Variants in NUP210L observed in about 807,000 individuals in gnomAD.
NUP210L encodes nuclear pore membrane glycoprotein 210-like.
In NUP210L, 74 loss-of-function variants were observed where a neutral mutation model predicts 208.5. The ratio of observed to expected loss-of-function variants is 0.35; its 90% CI spans 0.29 to 0.43. The LOEUF is 0.43. NUP210L is among the 20% of genes least tolerant of loss of function. The pLI, the probability that NUP210L is intolerant of heterozygous loss-of-function variation, is 1.00. For synonymous variants in NUP210L, 780 were observed against 816.9 expected (o/e 0.95, Z 0.77); for missense variants, 1,843 against 2,289.4 (o/e 0.81, Z 3.98).
chr1:153,995,123 A>G (rs1262010995), exon 38 of NUP210L: 2 of 1,614,034 alleles, frequency 1.2e-6, no homozygotes, highest in Non-Finnish European at 1.7e-6. Flanking sequence ...GAGGGTCAAG[A>G]GCAGGATCTG....
intron 12 of NUP210L, among the ~76,000 whole-genome samples, chr1:154,110,188 T>C (rs1656972494): frequency 6.8e-6 from 1 of 146,536 alleles, no homozygotes; most frequent in Non-Finnish European, 1.5e-5. Context: ...TGAGCCAAGA[T>C]CACGCCACTG....
At chr1:154,034,993 C>A (rs1446736427) in intron 27 of NUP210L, among the ~76,000 whole-genome samples, 4 of 151,970 alleles carry the variant, frequency 2.6e-5, no homozygotes, top group Non-Finnish European at 5.9e-5. Context: ...AGGTGTGTAC[C>A]ACCATGCCTG....
At chr1:154,120,454 A>G (rs1657559228) in intron 10 of NUP210L, among the ~76,000 whole-genome samples, 1 of 151,990 alleles carries the variant, frequency 6.6e-6, no homozygotes, top group Non-Finnish European at 1.5e-5. Flanking sequence ...AGAAAGGGGA[A>G]CATCACACCC....
exon 23 of NUP210L, chr1:154,056,929 G>A (rs374185442): frequency 5.8e-5 from 93 of 1,608,118 alleles, no homozygotes; most frequent in East Asian, 1.8e-4. Flanking sequence ...CAGAGTATTC[G>A]TCCTGTTGCT....
At chr1:154,152,459 C>G (rs1238446988) in intron 2 of NUP210L, among the ~76,000 whole-genome samples, 3 of 150,532 alleles carry the variant, frequency 2.0e-5, no homozygotes, top group Admixed American at 1.4e-4. Context: ...CAGGCGCGAG[C>G]CACCGCCCCC....
intron 14 of NUP210L, among the ~76,000 whole-genome samples, chr1:154,095,976 G>A (rs933283473): frequency 1.3e-5 from 2 of 152,074 alleles, no homozygotes; most frequent in Admixed American, 1.3e-4. Flanking sequence ...TTTAAGTTCT[G>A]GGATACATGT....
At chr1:153,993,179 T>C in intron 38 of NUP210L, 90 bp from the exon 39 acceptor site, 1 of 815,508 alleles carries the variant, frequency 1.2e-6, no homozygotes. Context: ...TTGCTAAAAA[T>C]AATTCTTAAA....
At chr1:154,089,211 T>C (rs982993955) in intron 16 of NUP210L, among the ~76,000 whole-genome samples, 1 of 152,114 alleles carries the variant, frequency 6.6e-6, no homozygotes, top group African/African-American at 2.4e-5. Flanking sequence ...AGTGGAGAAA[T>C]GGGAACCCTT....
rs554219355 is a variant in NUP210L at position 154,013,276 on chromosome 1, A to G, written c.4654-906T>C. 6.6e-5 allele frequency among the ~76,000 whole-genome samples: 10 copies of G among 152,164 alleles called. No homozygotes were observed. The South Asian group carries it at 1.7e-3, about 25-fold the overall frequency. Reference sequence around the variant, plus strand: ...ATATCTTCCCTTTGTATGACTCCCTATTAAAATGCCTTTGAGGCCAGGTGC... The same window carrying G: ...ATATCTTCCCTTTGTATGACTCCCTGTTAAAATGCCTTTGAGGCCAGGTGC... On this transcript the variant is annotated intron_variant, in intron 33 of 39. Coordinates refer to ENST00000368559, the Ensembl canonical transcript of NUP210L.
chr1:154,123,621 C>T (rs72696208), intron 10 of NUP210L, among the ~76,000 whole-genome samples: 47,789 of 151,876 alleles, frequency 0.31, 8,205 homozygotes, highest in Admixed American at 0.45. Flanking sequence ...CTCACTCCTA[C>T]AATTCCAGCA....
chr1:154,137,046 C>T (rs1658586130), intron 6 of NUP210L, among the ~76,000 whole-genome samples: 1 of 151,872 alleles, frequency 6.6e-6, no homozygotes, highest in Admixed American at 6.6e-5. Flanking sequence ...TCATTCAGGT[C>T]CCTTCTGGTA....
intron 35 of NUP210L, among the ~76,000 whole-genome samples, chr1:154,002,277 G>A (rs866156341): frequency 1.3e-5 from 2 of 151,970 alleles, no homozygotes; most frequent in African/African-American, 2.4e-5. Context: ...GCACAGTGGC[G>A]TGATCATGGC....
intron 27 of NUP210L, among the ~76,000 whole-genome samples, chr1:154,044,417 A>T (rs1418326463): frequency 4.0e-5 from 6 of 151,598 alleles, no homozygotes; most frequent in Non-Finnish European, 8.8e-5. Context: ...CAAAAAAAAA[A>T]AAAGAAAAAG....
chr1:154,029,933 C>A (rs1265880853), exon 28 of NUP210L: 1 of 1,610,610 alleles, frequency 6.2e-7, no homozygotes. Context: ...CAACAAATTC[C>A]CCTCAAACTG....
At chr1:154,087,331 A>G (rs1176523293) in intron 16 of NUP210L, among the ~76,000 whole-genome samples, 1 of 151,882 alleles carries the variant, frequency 6.6e-6, no homozygotes, top group African/African-American at 2.4e-5. Context: ...AAAAAAAAAA[A>G]AAAAAAAAGG....
At chr1:154,077,649 T>C (rs1366632321) in intron 16 of NUP210L, among the ~76,000 whole-genome samples, 4 of 152,170 alleles carry the variant, frequency 2.6e-5, no homozygotes, top group Non-Finnish European at 5.9e-5. Context: ...AGTATAAATG[T>C]ATTTTCGGTT....
chr1:154,043,608 C>T (rs557113768), intron 27 of NUP210L, among the ~76,000 whole-genome samples: 2 of 148,042 alleles, frequency 1.4e-5, no homozygotes, highest in Admixed American at 1.4e-4. Context: ...TAATTACAGG[C>T]GTGAACCACT....
At chr1:153,992,908 G>C in exon 40 of NUP210L, 2 of 1,613,098 alleles carry the variant, frequency 1.2e-6, no homozygotes, top group Non-Finnish European at 1.7e-6. Flanking sequence ...CATGAAGTGA[G>C]GGGGAGAACT....
At chr1:154,056,062 C>T (rs374579678) in intron 23 of NUP210L, among the ~76,000 whole-genome samples, 1 of 151,920 alleles carries the variant, frequency 6.6e-6, no homozygotes, top group East Asian at 1.9e-4. Context: ...CTGTCTCAAA[C>T]GAACAAAAAA....
Sources: allele counts gnomAD v4.1 joint callset (sites outside exome capture counted in the v4.1 genomes callset), GRCh38; gene constraint gnomAD v4.1.1; transcripts MANE v1.5; gene names NCBI Gene and HGNC (gene_info 2026-07-23, HGNC 2026-07-21).